PIK3C2G: variants seen among roughly 807,000 people sequenced by gnomAD.
PIK3C2G encodes phosphatidylinositol-4-phosphate 3-kinase catalytic subunit type 2 gamma.
In PIK3C2G, 168 loss-of-function variants were observed where a neutral mutation model predicts 181.1. The ratio of observed to expected loss-of-function variants is 0.93; its 90% CI spans 0.82 to 1.05. The LOEUF (loss-of-function observed/expected upper bound fraction) is 1.05, where lower values mean the gene tolerates loss of function less well. PIK3C2G is among the 50% of genes least tolerant of loss of function. The pLI is 0.00. For synonymous variants in PIK3C2G, 573 were observed against 592.2 expected, an observed-to-expected ratio of 0.97 and a Z score of 0.47; for missense variants, 1,869 against 1,732.8, an observed-to-expected ratio of 1.08 and a Z score of -1.40.
rs1386165724 is a variant in PIK3C2G at position 18,362,848 on chromosome 12, C to A, written c.1710C>A (p.Asp570Glu). ...CQVRNYRNIPDKKLFFFLVNW... is the reference protein window; with the variant it reads ...CQVRNYRNIPEKKLFFFLVNW... ...TGAGAAACTACAGAAATATTCCAGA[C>A]AAGAAATTATTTTTTTTCTTGGTCA... The change falls in exon 12 of 33, where the codon GAC becomes GAA. Residue 570 changes from aspartate to glutamate, a missense_variant. Asp to Glu is a conservative substitution (Grantham distance 45). Transcript: ENST00000538779. 4 of 1,516,720 alleles carry A rather than the reference C, an allele frequency of 2.6e-6. No homozygotes were observed. The highest frequency in any genetic ancestry group is 2.6e-6 in the Non-Finnish European group (3 of 1,136,056). The allele number at this position is 1,516,720 out of a possible 1,614,324, so 94.0% of individuals were successfully genotyped here.
At chr12:18,472,236 T>C (rs1938529277) in intron 18 of PIK3C2G, among the ~76,000 whole-genome samples, 1 of 152,186 alleles carries the variant, frequency 6.6e-6, no homozygotes, top group Admixed American at 6.5e-5. Context: ...CATTTATAAT[T>C]CTTTCACTTT....
At chr12:18,500,168 G>C (rs908968566) in intron 22 of PIK3C2G, among the ~76,000 whole-genome samples, 12 of 152,254 alleles carry the variant, frequency 7.9e-5, no homozygotes, top group African/African-American at 1.7e-4. Context: ...GCCGGGAACC[G>C]GGCTGCGCCC....
chr12:18,526,384 T>C (rs1024848652), intron 24 of PIK3C2G, among the ~76,000 whole-genome samples: 2 of 152,186 alleles, frequency 1.3e-5, no homozygotes, highest in African/African-American at 4.8e-5. Flanking sequence ...CTGAGTTTTC[T>C]AGAAAGGAAA....
chr12:18,294,427 A>C (rs1315892829), intron 5 of PIK3C2G, among the ~76,000 whole-genome samples: 1 of 152,066 alleles, frequency 6.6e-6, no homozygotes, highest in East Asian at 1.9e-4. Flanking sequence ...TTTGGTTAGA[A>C]TAATACTTGC....
intron 5 of PIK3C2G, among the ~76,000 whole-genome samples, chr12:18,304,937 A>G (rs985711968): frequency 6.6e-6 from 1 of 152,344 alleles, no homozygotes; most frequent in African/African-American, 2.4e-5. Flanking sequence ...ATAAAATCAC[A>G]GAACCATGTG....
intron 16 of PIK3C2G, among the ~76,000 whole-genome samples, chr12:18,414,145 C>T (rs1005987244): frequency 3.3e-5 from 5 of 151,608 alleles, no homozygotes; most frequent in African/African-American, 9.8e-5. Context: ...AAGTAGAATG[C>T]TTGCTCTTTC....
the PIK3C2G span, among the ~76,000 whole-genome samples, chr12:18,662,292 A>G: frequency 8.1e-6 from 1 of 122,952 alleles, no homozygotes; most frequent in Admixed American, 8.3e-5. Flanking sequence ...GCAAACCTGA[A>G]CATGTACCTC....
chr12:18,661,730 G>C, the PIK3C2G span, among the ~76,000 whole-genome samples: 2,660 of 152,208 alleles, frequency 0.017, 41 homozygotes, highest in Middle Eastern at 0.048. Flanking sequence ...GTGGAAAGCA[G>C]TTTGGTGATT....
intron 24 of PIK3C2G, among the ~76,000 whole-genome samples, chr12:18,507,246 T>C (rs998895790): frequency 1.3e-5 from 2 of 152,052 alleles, no homozygotes; most frequent in African/African-American, 4.8e-5. Context: ...GCCAGGCTGG[T>C]CTCGAACTCC....
chr12:18,621,652 C>G (rs1288976276), intron 31 of PIK3C2G, among the ~76,000 whole-genome samples: 4 of 151,628 alleles, frequency 2.6e-5, no homozygotes, highest in Non-Finnish European at 5.9e-5. Flanking sequence ...TCTTTGAAGG[C>G]AGAAGCTATT....
In PIK3C2G at chr12:18,302,909, G is replaced by A. The variant is rs559906085; in HGVS notation, c.1034+8894G>A. On this transcript the variant is annotated intron_variant, in intron 5 of 32. Coordinates refer to ENST00000538779, the MANE Select transcript of PIK3C2G (RefSeq NM_001288772.2). ...TGTCAGGCTTCCTCTTGGTGCACAT[G>A]CATGGCTGGGTGGCAGACGAGGCAG... is the stretch of plus-strand genomic sequence containing the variant. Among the ~76,000 whole-genome samples, 5 of 152,116 alleles carry A rather than the reference G, an allele frequency of 3.3e-5. No individual in the cohort carries two copies. In the East Asian group the frequency reaches 9.8e-4, roughly 30 times the overall value.
intron 11 of PIK3C2G, among the ~76,000 whole-genome samples, chr12:18,350,970 C>A (rs1940164880): frequency 6.6e-6 from 1 of 151,912 alleles, no homozygotes; most frequent in Non-Finnish European, 1.5e-5. Context: ...TGAGCTTGAT[C>A]CAATAAATAT....
chr12:18,662,237 A>T, the PIK3C2G span, among the ~76,000 whole-genome samples: 1 of 152,122 alleles, frequency 6.6e-6, no homozygotes, highest in Non-Finnish European at 1.5e-5. Flanking sequence ...GGCTGATGAA[A>T]TAATCTGTAC....
At chr12:18,414,878 G>A (rs1331267106) in intron 16 of PIK3C2G, among the ~76,000 whole-genome samples, 1 of 152,170 alleles carries the variant, frequency 6.6e-6, no homozygotes, top group Non-Finnish European at 1.5e-5. Flanking sequence ...ATGCTTTAAT[G>A]TCAAGTTAGG....
At chr12:18,709,954 A>G in the PIK3C2G span, among the ~76,000 whole-genome samples, 8 of 151,900 alleles carry the variant, frequency 5.3e-5, no homozygotes, top group South Asian at 1.7e-3. Flanking sequence ...TCTTTCAATT[A>G]GGTCACTATT....
chr12:18,426,320 A>T (rs983127458), intron 18 of PIK3C2G, among the ~76,000 whole-genome samples: 6 of 151,392 alleles, frequency 4.0e-5, no homozygotes, highest in African/African-American at 1.5e-4. Flanking sequence ...TGAAACATTG[A>T]TTTTTTTTTG....
At position 18,290,926 on chromosome 12, in the gene PIK3C2G, T is replaced by C; in HGVS notation, c.833T>C (p.Phe278Ser). The change falls in exon 4 of 33, where the codon TTT becomes TCT. Residue 278 changes from phenylalanine to serine, a missense_variant. Physicochemically the swap from Phe to Ser is radical, Grantham distance 155. Transcript: ENST00000538779. ...AAGATCTGGAGCACTACTACAGCAT[T>C]TCCGTATCAGCTCTTTTCTAAGACC... ...SGKIWSTTTA[F>S]PYQLFSKTKF... The C allele has an allele frequency of 6.3e-7, 1 of 1,586,246 alleles. No individual in the cohort carries two copies. Among genetic ancestry groups the C allele is most frequent in the South Asian group, 1.1e-5 (1 of 90,454 alleles).
At chr12:18,521,216 C>T (rs1354734976) in intron 24 of PIK3C2G, among the ~76,000 whole-genome samples, 2 of 152,182 alleles carry the variant, frequency 1.3e-5, no homozygotes, top group South Asian at 4.1e-4. Context: ...TGGAGGGTCT[C>T]ACCCAGTTGG....
At chr12:18,403,858 T>C (rs1462759915) in intron 16 of PIK3C2G, among the ~76,000 whole-genome samples, 1 of 152,168 alleles carries the variant, frequency 6.6e-6, no homozygotes, top group Non-Finnish European at 1.5e-5. Flanking sequence ...AGATGGTTGC[T>C]ATTTTCCTGA....
Sources: allele counts gnomAD v4.1 joint callset (sites outside exome capture counted in the v4.1 genomes callset), GRCh38; gene constraint gnomAD v4.1.1; transcripts MANE v1.5; gene names NCBI Gene and HGNC (gene_info 2026-07-23, HGNC 2026-07-21).